The following NFU1 variants were observed in gnomAD, a reference collection of about 807,000 sequenced individuals.
NFU1 encodes the protein NFU1 iron-sulfur cluster scaffold homolog, mitochondrial.
A neutral mutation model predicts 32.2 loss-of-function variants in NFU1; 30 were observed. That is an observed-to-expected ratio of 0.93 (90% CI 0.70 to 1.26). NFU1 has a LOEUF of 1.26. Ranked by LOEUF, NFU1 falls within the 50% of genes most tolerant of loss-of-function variation. The pLI is 0.00. For synonymous variants in NFU1, 112 were observed against 104.6 expected (o/e 1.07, Z -0.43); for missense variants, 306 against 306.6 (o/e 1.00, Z 0.02).
At chr2:69,418,475 T>C (rs1003929429) in intron 4 of NFU1, among the ~76,000 whole-genome samples, 2 of 151,956 alleles carry the variant, frequency 1.3e-5, no homozygotes, top group Non-Finnish European at 2.9e-5. Flanking sequence ...GTCCCCTTTT[T>C]TTCTTTTTTG....
chr2:69,430,480 G>A (rs572215096), intron 2 of NFU1, among the ~76,000 whole-genome samples: 1 of 152,182 alleles, frequency 6.6e-6, no homozygotes, highest in African/African-American at 2.4e-5. Flanking sequence ...CTCTCAAAGT[G>A]TTGGGATTAT....
At chr2:69,418,909 G>C (rs2104780150) in intron 4 of NFU1, among the ~76,000 whole-genome samples, 1 of 152,194 alleles carries the variant, frequency 6.6e-6, no homozygotes, top group Middle Eastern at 3.4e-3. Context: ...TCAATTAACA[G>C]ATTTAAAAGG....
At chr2:69,438,827 G>C (rs1037067974), upstream of NFU1, among the ~76,000 whole-genome samples, 1 of 151,292 alleles carries the variant, frequency 6.6e-6, no homozygotes, top group Non-Finnish European at 1.5e-5. Flanking sequence ...CCAATGCTGC[G>C]TACTTGCTTT....
intron 2 of NFU1, among the ~76,000 whole-genome samples, chr2:69,425,627 T>A (rs1673428539): frequency 6.6e-6 from 1 of 152,086 alleles, no homozygotes; most frequent in Non-Finnish European, 1.5e-5. Flanking sequence ...AGTGGTGGGA[T>A]TACAGGTGTA....
intron 1 of NFU1, among the ~76,000 whole-genome samples, chr2:69,436,101 T>C (rs2104824551): frequency 6.6e-6 from 1 of 152,298 alleles, no homozygotes; most frequent in South Asian, 2.1e-4. Flanking sequence ...TATTTGTTAA[T>C]ATATTTTTCT....
chr2:69,423,611 TG>T lies in NFU1; in HGVS notation c.272del (p.Pro91GlnfsTer19). On this transcript the variant is annotated frameshift_variant, in exon 3 of 8. Coordinates refer to ENST00000410022, the MANE Select transcript of NFU1 (RefSeq NM_001002755.4). LOFTEE classifies it high-confidence loss of function. The stretch of plus-strand genomic sequence containing the variant: ...CCAGAGGGGAGCGAAATGCTGCAGC[TG>T]GGGTGGGAAAATCCATGGTCCTTGT... ...LETRTMDFPT[P>X]AAAFRSPLAR... The T allele has an allele frequency of 6.2e-7, 1 of 1,613,698 alleles. No individual in the cohort carries two copies. The highest frequency in any genetic ancestry group is 8.5e-7 in the Non-Finnish European group (1 of 1,179,868).
At chr2:69,404,615 A>ATTTTTTTTTGTTTTTT (rs1672635824) in intron 6 of NFU1, among the ~76,000 whole-genome samples, 1 of 73,008 alleles carries the variant, frequency 1.4e-5, no homozygotes, top group Non-Finnish European at 2.5e-5. Flanking sequence ...ATCTTAGCAA[A>ATTTTTTTTTGTTTTTT]TTTTTTTTTT....
chr2:69,413,383 A>C (rs116134310), intron 5 of NFU1, among the ~76,000 whole-genome samples: 1 of 151,984 alleles, frequency 6.6e-6, no homozygotes, highest in African/African-American at 2.4e-5. Flanking sequence ...ATATAAGAAC[A>C]TTGAAATTCT....
rs568358644 is a variant in NFU1, at chr2:69,436,810, G to C, written c.62+551C>G. Reference sequence around the variant, plus strand: ...GCTCAGGGAGGCGGAAAAAACAAGGGAACAGAGTGGGCTTAATGGTGGTGG... The same window carrying C: ...GCTCAGGGAGGCGGAAAAAACAAGGCAACAGAGTGGGCTTAATGGTGGTGG... On this transcript the variant is annotated intron_variant, in intron 1 of 7. Transcript: ENST00000410022. Among the ~76,000 whole-genome samples the C allele has an allele frequency of 2.0e-5, 3 of 150,796 alleles. No individual in the cohort carries two copies. The East Asian group carries it at 5.8e-4, about 29-fold the overall frequency.
At chr2:69,437,607 G>T (rs1413967266), upstream of NFU1, 1 of 725,242 alleles carries the variant, frequency 1.4e-6, no homozygotes, top group African/African-American at 1.7e-5. Flanking sequence ...CCCTGACCAA[G>T]AGAGGCCGGG....
At chr2:69,439,165 C>A (rs1673967183), upstream of NFU1, among the ~76,000 whole-genome samples, 1 of 152,104 alleles carries the variant, frequency 6.6e-6, no homozygotes, top group South Asian at 2.1e-4. Context: ...TTTCACTTCC[C>A]ACTCCTCAAA....
intron 6 of NFU1, among the ~76,000 whole-genome samples, chr2:69,403,099 G>T (rs541464192): frequency 4.6e-5 from 7 of 151,108 alleles, no homozygotes; most frequent in African/African-American, 1.7e-4. Flanking sequence ...GCCCAGGCTG[G>T]TCTCAAACTC....
rs761264823 is a variant in NFU1 at position 69,419,639 on chromosome 2, G to C, written c.303-35C>G. On this transcript the variant is annotated intron_variant, in intron 3 of 7. Transcript: ENST00000410022. Reference sequence around the variant, plus strand: ...AAGAAAAAATAAGAGATATTAAAATGCTTGATTATGGAAAAGTTTAAACAT... The same window carrying C: ...AAGAAAAAATAAGAGATATTAAAATCCTTGATTATGGAAAAGTTTAAACAT... 3.2e-6 allele frequency: 4 copies of C among 1,234,098 alleles called. No homozygotes were observed. The Admixed American group carries it at 7.4e-5, about 23-fold the overall frequency. The allele number at this position is 1,234,098 out of a possible 1,614,324, so 76.4% of individuals were successfully genotyped here. A position where few individuals can be genotyped will look rare whatever the true frequency, so the allele number is the denominator to read the frequency against.
At chr2:69,401,587 T>G (rs1242774895) in intron 6 of NFU1, among the ~76,000 whole-genome samples, 1 of 152,228 alleles carries the variant, frequency 6.6e-6, no homozygotes, top group East Asian at 1.9e-4. Flanking sequence ...AGAAATGTCT[T>G]TTGGTATGCA....
At chr2:69,423,284 G>A (rs1025886233) in intron 3 of NFU1, among the ~76,000 whole-genome samples, 3 of 127,032 alleles carry the variant, frequency 2.4e-5, no homozygotes, top group African/African-American at 9.3e-5. Flanking sequence ...GTGTGTGTGT[G>A]TGTGTATGTG....
At chr2:69,408,081 A>C (rs900593535) in intron 5 of NFU1, among the ~76,000 whole-genome samples, 1 of 152,114 alleles carries the variant, frequency 6.6e-6, no homozygotes, top group African/African-American at 2.4e-5. Flanking sequence ...ACAAAAGCTA[A>C]AACTGTCTTA....
At chr2:69,435,594 G>A (rs562478745) in intron 1 of NFU1, among the ~76,000 whole-genome samples, 1 of 152,268 alleles carries the variant, frequency 6.6e-6, no homozygotes, top group East Asian at 1.9e-4. Flanking sequence ...AACCCATAGA[G>A]TTTCTTAGAT....
At chr2:69,400,696 T>A (rs1211645600) in intron 6 of NFU1, among the ~76,000 whole-genome samples, 158 bp from the exon 7 acceptor site, 2 of 137,290 alleles carry the variant, frequency 1.5e-5, no homozygotes, top group African/African-American at 5.6e-5. Flanking sequence ...AAGTTTTATT[T>A]AGAATTAAAT....
At chr2:69,424,198 AATATATAT>A (rs1177261342) in intron 2 of NFU1, among the ~76,000 whole-genome samples, 7 of 74,544 alleles carry the variant, frequency 9.4e-5, no homozygotes, top group Non-Finnish European at 1.2e-4. Flanking sequence ...AAAAAAAAAA[AATATATAT>A]ATATATATAT....
Sources: allele counts gnomAD v4.1 joint callset (sites outside exome capture counted in the v4.1 genomes callset), GRCh38; gene constraint gnomAD v4.1.1; transcripts MANE v1.5; gene names NCBI Gene and HGNC (gene_info 2026-07-23, HGNC 2026-07-21).